Variants in KANSL1 observed in about 807,000 individuals in gnomAD.
KANSL1 encodes the protein MLL1/MLL complex subunit KANSL1.
KANSL1 carries 22 observed loss-of-function variants against 103.6 expected under a neutral mutation model. That is an observed-to-expected ratio of 0.21 (90% CI 0.15 to 0.30). The LOEUF (loss-of-function observed/expected upper bound fraction) is 0.30, where lower values mean the gene tolerates loss of function less well. Ranked by LOEUF, KANSL1 falls within the 10% of genes least tolerant of loss-of-function variation. The pLI, the probability that KANSL1 is intolerant of heterozygous loss-of-function variation, is 1.00. For synonymous variants in KANSL1, 600 were observed against 527.6 expected (o/e 1.14, Z -1.88); for missense variants, 1,337 against 1,399.8 (o/e 0.96, Z 0.72).
chr17:46,195,589 G>T (rs1308305669), upstream of KANSL1, among the ~76,000 whole-genome samples: 2 of 152,110 alleles, frequency 1.3e-5, no homozygotes, highest in African/African-American at 2.4e-5. Flanking sequence ...TTTTGACAGG[G>T]TCCTGCTCGG....
chr17:46,096,258 C>CA (rs2042058919), intron 2 of KANSL1, among the ~76,000 whole-genome samples: 1 of 148,374 alleles, frequency 6.7e-6, no homozygotes, highest in South Asian at 2.1e-4. Context: ...CCTCCCACCT[C>CA]AGTCTCCCAA....
At chr17:46,196,500 G>C, upstream of KANSL1, 1 of 451,792 alleles carries the variant, frequency 2.2e-6, no homozygotes, top group South Asian at 1.6e-5. Flanking sequence ...ACCTCAAACT[G>C]CTACAGTCAC....
At chr17:46,093,438 T>C (rs2079493551) in intron 3 of KANSL1, 1 of 152,456 alleles carries the variant, frequency 6.6e-6, no homozygotes, top group Admixed American at 6.6e-5. Flanking sequence ...CTCTGGACTG[T>C]GTCCTCAATT....
At chr17:46,103,740 T>C (rs1416876424) in intron 2 of KANSL1, among the ~76,000 whole-genome samples, 1 of 152,164 alleles carries the variant, frequency 6.6e-6, no homozygotes, top group African/African-American at 2.4e-5. Context: ...ATTTGACACC[T>C]CTAGGCTGGC....
intron 2 of KANSL1, among the ~76,000 whole-genome samples, chr17:46,136,821 A>G (rs1057386600): frequency 3.3e-5 from 5 of 152,228 alleles, no homozygotes; most frequent in Non-Finnish European, 7.3e-5. Flanking sequence ...AAAACACAAG[A>G]GCAATTTAAC....
At chr17:46,105,551 C>G (rs62061818) in intron 2 of KANSL1, among the ~76,000 whole-genome samples, 21,562 of 151,590 alleles carry the variant, frequency 0.14, 2,111 homozygotes, top group Non-Finnish European at 0.22. Context: ...TAGAGACAGA[C>G]GCTGCAGTGA....
chr17:46,052,795 A>T (rs1198809467), intron 6 of KANSL1, among the ~76,000 whole-genome samples: 14 of 25,636 alleles, frequency 5.5e-4, no homozygotes, highest in South Asian at 1.6e-3. Flanking sequence ...ATTTAAAATT[A>T]AAAAAAAAAA....
intron 3 of KANSL1, among the ~76,000 whole-genome samples, chr17:46,091,058 C>A (rs138354466): frequency 6.6e-6 from 1 of 152,184 alleles, no homozygotes; most frequent in South Asian, 2.1e-4. Flanking sequence ...TTGGCACTGT[C>A]ACAGGCAATG....
At chr17:46,125,046 AGG>A (rs2043466470) in intron 2 of KANSL1, among the ~76,000 whole-genome samples, 5 of 59,482 alleles carry the variant, frequency 8.4e-5, no homozygotes, top group African/African-American at 1.9e-4. Context: ...GGAGGGAGGG[AGG>A]AGGGAGGGAG....
intron 1 of KANSL1, chr17:46,222,632 A>C (rs2462842): frequency 0.13 from 19,638 of 151,830 alleles, no homozygotes; most frequent in Middle Eastern, 0.2. Context: ...ACATGACCTA[A>C]GATTTCCCAC....
chr17:46,189,134 G>A (rs1028184492), intron 1 of KANSL1, among the ~76,000 whole-genome samples: 1 of 148,368 alleles, frequency 6.7e-6, no homozygotes, highest in Non-Finnish European at 1.5e-5. Flanking sequence ...GATCACTTGA[G>A]CCCCGGAGTT....
chr17:46,206,736 GAAGAA>G (rs1197039846), intron 1 of KANSL1, among the ~76,000 whole-genome samples: 13 of 152,122 alleles, frequency 8.5e-5, no homozygotes, highest in Admixed American at 3.9e-4. Context: ...AAAATTCCTA[GAAGAA>G]AACAAAGCTA....
intron 7 of KANSL1, chr17:46,044,891 AT>A (rs2077447849): frequency 6.6e-6 from 1 of 152,230 alleles, no homozygotes; most frequent in Non-Finnish European, 1.5e-5. Flanking sequence ...ACTTAAAAAA[AT>A]ATCTGTCCTA....
chr17:46,115,800 T>C (rs2043020982), intron 2 of KANSL1, among the ~76,000 whole-genome samples: 1 of 152,198 alleles, frequency 6.6e-6, no homozygotes, highest in Non-Finnish European at 1.5e-5. Flanking sequence ...CTTTTAACAT[T>C]TACCCCAGAG....
At chr17:46,160,387 T>G (rs1165010190) in intron 2 of KANSL1, among the ~76,000 whole-genome samples, 1 of 152,164 alleles carries the variant, frequency 6.6e-6, no homozygotes, top group African/African-American at 2.4e-5. Context: ...AACCTCTACC[T>G]CCCAGGCTCA....
At chr17:46,220,095 T>G (rs2048477625) in intron 1 of KANSL1, among the ~76,000 whole-genome samples, 1 of 152,014 alleles carries the variant, frequency 6.6e-6, no homozygotes, top group Admixed American at 6.6e-5. Context: ...AGAGTGAGGC[T>G]CCGTCTCAAA....
At chr17:46,071,275 T>C (rs983950772) in intron 4 of KANSL1, among the ~76,000 whole-genome samples, 1 of 152,190 alleles carries the variant, frequency 6.6e-6, no homozygotes, top group East Asian at 1.9e-4. Context: ...AGAAAGGGAC[T>C]GTGGCTGGCC....
intron 1 of KANSL1, among the ~76,000 whole-genome samples, chr17:46,189,609 G>A (rs2732591): frequency 0.12 from 18,559 of 150,214 alleles, 22 homozygotes; most frequent in Middle Eastern, 0.19. Context: ...TAGGCTAAGC[G>A]TAGTGGTTCA....
chr17:46,159,212 C>G (rs1327998987), intron 2 of KANSL1, among the ~76,000 whole-genome samples: 2 of 152,208 alleles, frequency 1.3e-5, no homozygotes, highest in Non-Finnish European at 2.9e-5. Flanking sequence ...ATGACAACAG[C>G]CTTTCCCATC....
Sources: gnomAD v4.1 joint callset for allele counts (sites outside exome capture counted in the v4.1 genomes callset) on GRCh38, gnomAD v4.1.1 for gene constraint, MANE v1.5 for transcripts, NCBI Gene and HGNC (gene_info 2026-07-23, HGNC 2026-07-21) for gene names.